TSPAN9: variants seen among roughly 807,000 people sequenced by gnomAD.
TSPAN9 encodes the protein tetraspanin 9.
A neutral mutation model predicts 31.0 loss-of-function variants in TSPAN9; 16 were observed. That is an observed-to-expected ratio of 0.52 (90% CI 0.35 to 0.78). The LOEUF is 0.78. Among genes scored for constraint, TSPAN9 ranks in the 30% least tolerant of loss-of-function variants. The probability of loss-of-function intolerance (pLI) is 0.01; values close to 1 mark genes in which losing one functional copy is unlikely to be tolerated. For synonymous variants in TSPAN9, 145 were observed against 121.6 expected (o/e 1.19, Z -1.27); for missense variants, 272 against 312.5 (o/e 0.87, Z 0.98).
At position 3,250,121 on chromosome 12, in the gene TSPAN9, C is replaced by T. The variant is rs575708238; in HGVS notation, c.64-28300C>T. On this transcript the variant is annotated intron_variant, in intron 3 of 8. Coordinates refer to ENST00000011898, the MANE Select transcript of TSPAN9 (RefSeq NM_006675.5). Reference sequence around the variant, plus strand: ...CTTTGAAGGTCAGAAGCGTCCAGTGCCCCTGTTTCCTGTCATGGCCCTTGT... The same window carrying T: ...CTTTGAAGGTCAGAAGCGTCCAGTGTCCCTGTTTCCTGTCATGGCCCTTGT... Among the ~76,000 whole-genome samples, 12 of 152,252 alleles carry T rather than the reference C, an allele frequency of 7.9e-5. No homozygotes were observed. In the South Asian group the frequency reaches 2.5e-3, roughly 32 times the overall value.
At chr12:3,201,397 C>T (rs978530080) in intron 3 of TSPAN9, 141 bp downstream of exon 3, 10 of 757,584 alleles carry the variant, frequency 1.3e-5, no homozygotes, top group Admixed American at 2.6e-5. Context: ...AAAAATTGCC[C>T]CCGCCCCCCT....
intron 2 of TSPAN9, among the ~76,000 whole-genome samples, chr12:3,198,213 ACCAGCACAGG>A (rs1426282908): frequency 6.0e-5 from 5 of 83,342 alleles, no homozygotes; most frequent in African/African-American, 1.4e-4. Context: ...ACAGGTCACC[ACCAGCACAGG>A]TCACCACCAG....
chr12:3,090,334 A>C (rs1004674838), intron 2 of TSPAN9, among the ~76,000 whole-genome samples: 1 of 152,224 alleles, frequency 6.6e-6, no homozygotes, highest in African/African-American at 2.4e-5. Flanking sequence ...CTTTGCTTCC[A>C]GTTCTACGGG....
intron 2 of TSPAN9, among the ~76,000 whole-genome samples, chr12:3,140,196 T>G (rs1199847106): frequency 6.6e-6 from 1 of 152,116 alleles, no homozygotes; most frequent in Non-Finnish European, 1.5e-5. Flanking sequence ...AAGCGTGCAT[T>G]TAGTAATGCT....
chr12:3,279,045 C>T lies in TSPAN9; in HGVS notation c.309C>T (p.Leu103=). 2 of 1,614,176 alleles carry T rather than the reference C, an allele frequency of 1.2e-6. No individual in the cohort carries two copies. Among genetic ancestry groups the T allele is most frequent in the African/African-American group, 1.3e-5 (1 of 75,066 alleles). ...ILLAELILLI[L]FFVYMDKVNE... ...TAGCAGAGCTGATCTTACTCATCCT[C>T]TTCTTTGTCTACATGGACAAGGTAA... Residue 103 remains leucine (L), a synonymous_variant, in exon 5 of 9, where the codon CTC becomes CTT. Coordinates refer to ENST00000011898, the MANE Select transcript of TSPAN9 (RefSeq NM_006675.5).
intron 2 of TSPAN9, chr12:3,200,704 A>C (rs1398838658): frequency 6.6e-6 from 1 of 152,542 alleles, no homozygotes; most frequent in African/African-American, 2.4e-5. Context: ...GCCGCGCCGC[A>C]GAGCCCTCCC....
chr12:3,114,577 A>G (rs2098321122), intron 2 of TSPAN9, among the ~76,000 whole-genome samples: 1 of 152,168 alleles, frequency 6.6e-6, no homozygotes, highest in African/African-American at 2.4e-5. Context: ...CTGGCCAGGC[A>G]TGGTGGCTCA....
chr12:3,117,987 G>A (rs1203586688), intron 2 of TSPAN9, among the ~76,000 whole-genome samples: 1 of 152,076 alleles, frequency 6.6e-6, no homozygotes, highest in Non-Finnish European at 1.5e-5. Context: ...AGGCAGTGCA[G>A]GGAGGTGGTT....
At chr12:3,139,044 A>G (rs2098333496) in intron 2 of TSPAN9, among the ~76,000 whole-genome samples, 1 of 151,494 alleles carries the variant, frequency 6.6e-6, no homozygotes, top group East Asian at 1.9e-4. Context: ...CCCTCCCTAC[A>G]CGCTGTGCCC....
At chr12:3,102,132 C>CT (rs879754779) in intron 2 of TSPAN9, among the ~76,000 whole-genome samples, 40 of 150,406 alleles carry the variant, frequency 2.7e-4, no homozygotes, top group Non-Finnish European at 4.1e-4. Context: ...TTTTCTTTTT[C>CT]TTTTTTTTTG....
At chr12:3,242,926 T>A (rs1433615131) in intron 3 of TSPAN9, among the ~76,000 whole-genome samples, 1 of 152,198 alleles carries the variant, frequency 6.6e-6, no homozygotes, top group Non-Finnish European at 1.5e-5. Flanking sequence ...GCAGAAGTGA[T>A]GTGTGGGCCT....
chr12:3,166,962 A>G (rs1345447831), intron 2 of TSPAN9, among the ~76,000 whole-genome samples: 1 of 150,898 alleles, frequency 6.6e-6, no homozygotes, highest in Non-Finnish European at 1.5e-5. Context: ...ACGCCCGGCT[A>G]ATTTTTGTAT....
At chr12:3,268,179 C>CCTGTGTTCCTGCAGCCTGCCCTCT (rs1862574783) in intron 3 of TSPAN9, among the ~76,000 whole-genome samples, 3 of 122,360 alleles carry the variant, frequency 2.5e-5, no homozygotes, top group Admixed American at 8.0e-5. Context: ...GCCTACCCTC[C>CCTGTGTTCCTGCAGCCTGCCCTCT]GTGCGTTCCT....
intron 2 of TSPAN9, among the ~76,000 whole-genome samples, chr12:3,139,510 G>C (rs894778167): frequency 4.6e-5 from 7 of 152,276 alleles, no homozygotes; most frequent in African/African-American, 1.7e-4. Context: ...CCTGGCCCTT[G>C]GCCTAATGCT....
At chr12:3,272,184 G>A (rs1419324324) in intron 3 of TSPAN9, among the ~76,000 whole-genome samples, 1 of 152,140 alleles carries the variant, frequency 6.6e-6, no homozygotes, top group East Asian at 1.9e-4. Flanking sequence ...TGCCTTGTGG[G>A]GCTCTGCAGA....
In TSPAN9 at chr12:3,080,339, G is replaced by T. The variant is rs370316246; in HGVS notation, c.-85+2886G>T. ...ACACTGAATGTAAAATCTTTTTTTT[G>T]TTGTTGTTGTTTTTGAGATGGAGTC... On this transcript the variant is annotated intron_variant, in intron 1 of 8. Coordinates refer to ENST00000011898, the MANE Select transcript of TSPAN9 (RefSeq NM_006675.5). Among the ~76,000 whole-genome samples the T allele has an allele frequency of 7.6e-4, 114 of 150,898 alleles. 1 individual carries two copies. In the East Asian group the frequency reaches 8.7e-3, roughly 12 times the overall value.
At chr12:3,123,921 A>G (rs1279311828) in intron 2 of TSPAN9, among the ~76,000 whole-genome samples, 2 of 152,214 alleles carry the variant, frequency 1.3e-5, no homozygotes, top group African/African-American at 4.8e-5. Flanking sequence ...AGAGGTTTAA[A>G]AGGAGCTGTG....
At chr12:3,195,704 C>T (rs186290712) in intron 2 of TSPAN9, among the ~76,000 whole-genome samples, 4 of 152,328 alleles carry the variant, frequency 2.6e-5, no homozygotes, top group Middle Eastern at 3.4e-3. Flanking sequence ...CCTAGGGCAC[C>T]GGTTAATCAT....
chr12:3,078,182 T>C (rs1212629965), intron 1 of TSPAN9, among the ~76,000 whole-genome samples: 1 of 152,168 alleles, frequency 6.6e-6, no homozygotes, highest in Non-Finnish European at 1.5e-5. Flanking sequence ...AAGCTTGGGC[T>C]AGTATGGGAT....
Sources: allele counts gnomAD v4.1 joint callset (sites outside exome capture counted in the v4.1 genomes callset), GRCh38; gene constraint gnomAD v4.1.1; transcripts MANE v1.5; gene names NCBI Gene and HGNC (gene_info 2026-07-23, HGNC 2026-07-21).